Variants in SLC7A2 observed in about 807,000 individuals in gnomAD.
SLC7A2 encodes the protein cationic amino acid transporter 2.
SLC7A2 carries 48 observed loss-of-function variants against 58.9 expected under a neutral mutation model. The observed-to-expected ratio is 0.82, with a 90% CI of 0.65 to 1.04. SLC7A2 has a LOEUF of 1.04. Among genes scored for constraint, SLC7A2 ranks in the 50% least tolerant of loss-of-function variants. The probability of loss-of-function intolerance (pLI) is 0.00; values close to 1 mark genes in which losing one functional copy is unlikely to be tolerated. For synonymous variants in SLC7A2, 363 were observed against 314.5 expected (o/e 1.15, Z -1.63); for missense variants, 1,029 against 818.8 (o/e 1.26, Z -3.13).
chr8:17,560,666 T>C lies in SLC7A2; in HGVS notation c.1504+133T>C, dbSNP rs957935021. ...TAGCAACCACCCTGAAATTTTCACC[T>C]AAAGCATCACCAGTGGTTGAGATCA... On this transcript the variant is annotated intron_variant, in intron 10 of 12. Transcript: ENST00000494857. 3.6e-5 allele frequency: 25 copies of C among 696,696 alleles called. No individual in the cohort carries two copies. The African/African-American group carries it at 3.9e-4, about 11-fold the overall frequency. 43.2% of individuals were successfully genotyped at this position (696,696 alleles called of 1,614,324 possible). A position where few individuals can be genotyped will look rare whatever the true frequency, so the allele number is the denominator to read the frequency against.
upstream of SLC7A2, among the ~76,000 whole-genome samples, chr8:17,496,519 G>A (rs923092827): frequency 6.6e-6 from 1 of 152,078 alleles, no homozygotes; most frequent in Non-Finnish European, 1.5e-5. Flanking sequence ...TGCTCCCCTG[G>A]AAATAATGTC....
At chr8:17,511,265 TAAAA>T (rs886135424) in intron 2 of SLC7A2, 1 of 150,334 alleles carries the variant, frequency 6.7e-6, no homozygotes, top group Non-Finnish European at 1.5e-5. Flanking sequence ...AAAGTAAAAT[TAAAA>T]AAAAAATCTA....
chr8:17,495,809 C>A (rs548840370), upstream of SLC7A2, among the ~76,000 whole-genome samples: 2 of 152,204 alleles, frequency 1.3e-5, no homozygotes, highest in Non-Finnish European at 2.9e-5. Context: ...CTCGGCGTCC[C>A]AAAGTGCTGG....
In SLC7A2 at chr8:17,567,097, A is replaced by T. The variant is rs1035352608; in HGVS notation, c.*1951A>T. 1 of 152,620 alleles carries T rather than the reference A, an allele frequency of 6.6e-6. No individual in the cohort carries two copies. Among genetic ancestry groups the T allele is most frequent in the Non-Finnish European group, 1.5e-5 (1 of 68,042 alleles). The allele number at this position is 152,620 out of a possible 1,614,324, so 9.5% of individuals were successfully genotyped here. A position where few individuals can be genotyped will look rare whatever the true frequency, so the allele number is the denominator to read the frequency against. ...ACATTCCACAACTTCCAGGGTGCAC[A>T]TGGTAAAATCTGAAGCCCAGAATTT... On this transcript the variant is annotated 3_prime_UTR_variant, in exon 13 of 13. Coordinates refer to ENST00000494857, the MANE Select transcript of SLC7A2 (RefSeq NM_001370338.1).
chr8:17,502,906 T>G (rs917634558), intron 2 of SLC7A2, among the ~76,000 whole-genome samples: 1 of 152,040 alleles, frequency 6.6e-6, no homozygotes, highest in Non-Finnish European at 1.5e-5. Flanking sequence ...GCTGGGTGCA[T>G]GTTCATTATA....
chr8:17,539,044 T>G, intron 2 of SLC7A2: 1 of 818,508 alleles, frequency 1.2e-6, no homozygotes, highest in Non-Finnish European at 2.0e-6. Context: ...CTTCAAACTT[T>G]TGAACTAAAG....
rs1802289303 is a variant in SLC7A2, at chr8:17,548,613, T to G, written c.533-65T>G. ...TGAAATAATATCCTAAAGTCATGTA[T>G]TTGCCTCAAAATGCTATTGCCTTTC... On this transcript the variant is annotated intron_variant, in intron 4 of 12. Coordinates refer to ENST00000494857, the MANE Select transcript of SLC7A2 (RefSeq NM_001370338.1). The G allele has an allele frequency of 3.7e-5, 43 of 1,170,604 alleles. 1 individual carries two copies. In the South Asian group the frequency reaches 5.7e-4, roughly 15 times the overall value. The allele number at this position is 1,170,604 out of a possible 1,614,324, so 72.5% of individuals were successfully genotyped here.
chr8:17,544,608 T>G lies in SLC7A2; in HGVS notation c.532+2T>G. 1 of 1,613,176 alleles carries G rather than the reference T, an allele frequency of 6.2e-7. No homozygotes were observed. Among genetic ancestry groups the G allele is most frequent in the Non-Finnish European group, 8.5e-7 (1 of 1,179,414 alleles). On this transcript the variant is annotated splice_donor_variant, in intron 4 of 12. Transcript: ENST00000494857. LOFTEE classifies it high-confidence loss of function. ...TGTGCCTTATATTACTTCTAGCAGG[T>G]AAGAAAACCAGTTATGAGTCTCTGC...
intron 4 of SLC7A2, among the ~76,000 whole-genome samples, chr8:17,548,281 C>T (rs1314058799): frequency 6.6e-6 from 1 of 152,172 alleles, no homozygotes; most frequent in African/African-American, 2.4e-5. Context: ...GCAGAGGTTG[C>T]AGTGAGCCGA....
intron 8 of SLC7A2, 142 bp downstream of exon 8, chr8:17,554,841 T>C: frequency 6.8e-7 from 1 of 1,465,658 alleles, no homozygotes; most frequent in Non-Finnish European, 9.2e-7. Flanking sequence ...CTATTTTGAA[T>C]TTTTTGGTTC....
Position 17,565,170 on chromosome 8 carries a change from A to T in SLC7A2, c.*24A>T, listed in dbSNP as rs375940483. On this transcript the variant is annotated 3_prime_UTR_variant, in exon 13 of 13. Transcript: ENST00000494857. ...AACACTTGCAGGAGCAGAGCTGGTCATCGTCTTAGCATACATATCCTACAC... is the reference window on the plus strand; with the variant it reads ...AACACTTGCAGGAGCAGAGCTGGTCTTCGTCTTAGCATACATATCCTACAC... The T allele has an allele frequency of 1.5e-4, 238 of 1,576,084 alleles. No homozygotes were observed. Among genetic ancestry groups the T allele is most frequent in the Non-Finnish European group, 2.0e-4 (227 of 1,152,282 alleles).
chr8:17,525,225 C>T (rs1242384714), intron 2 of SLC7A2, among the ~76,000 whole-genome samples: 2 of 152,068 alleles, frequency 1.3e-5, no homozygotes, highest in Non-Finnish European at 2.9e-5. Context: ...GAGTATTCCT[C>T]TACTTGAAGA....
chr8:17,538,806 C>G (rs921120858), intron 2 of SLC7A2: 2 of 1,613,350 alleles, frequency 1.2e-6, no homozygotes. Context: ...GATGTCTCAC[C>G]ACGAAACTAG....
chr8:17,500,834 A>T (rs1800129040), intron 1 of SLC7A2, among the ~76,000 whole-genome samples: 1 of 129,450 alleles, frequency 7.7e-6, no homozygotes, highest in African/African-American at 2.5e-5. Flanking sequence ...ACACACACAC[A>T]CACACACACA....
intron 4 of SLC7A2, among the ~76,000 whole-genome samples, chr8:17,547,247 C>T (rs1441463337): frequency 6.6e-6 from 1 of 152,030 alleles, no homozygotes; most frequent in African/African-American, 2.4e-5. Flanking sequence ...GAAAGAACGT[C>T]TCACGGGGTG....
intron 2 of SLC7A2, among the ~76,000 whole-genome samples, chr8:17,524,198 AT>A (rs1426724349): frequency 6.6e-6 from 1 of 152,166 alleles, no homozygotes; most frequent in African/African-American, 2.4e-5. Context: ...CAGTGTGGAG[AT>A]TCCTTAAAGA....
intron 2 of SLC7A2, among the ~76,000 whole-genome samples, chr8:17,531,694 A>G (rs1801456814): frequency 6.6e-6 from 1 of 152,136 alleles, no homozygotes; most frequent in Non-Finnish European, 1.5e-5. Flanking sequence ...TTTCTGATTA[A>G]GACTTTATAG....
chr8:17,563,556 A>G, intron 11 of SLC7A2, 47 bp from the exon 12 acceptor site: 1 of 1,145,278 alleles, frequency 8.7e-7, no homozygotes, highest in South Asian at 1.3e-5. Flanking sequence ...CTTGGGGAAT[A>G]TGCTTCAAAA....
At chr8:17,522,239 C>T (rs867280270) in intron 2 of SLC7A2, among the ~76,000 whole-genome samples, 1 of 152,112 alleles carries the variant, frequency 6.6e-6, no homozygotes, top group East Asian at 1.9e-4. Context: ...AAAGGGGTAT[C>T]CCCTTATAAA....
Sources: gnomAD v4.1 joint callset for allele counts (sites outside exome capture counted in the v4.1 genomes callset) on GRCh38, gnomAD v4.1.1 for gene constraint, MANE v1.5 for transcripts, NCBI Gene and HGNC (gene_info 2026-07-23, HGNC 2026-07-21) for gene names.